Variants in SLC25A16 observed in about 807,000 individuals in gnomAD.
The protein encoded by SLC25A16 is solute carrier family 25 member 16.
A neutral mutation model predicts 41.5 loss-of-function variants in SLC25A16; 39 were observed. That is an observed-to-expected ratio of 0.94 (90% confidence interval 0.73 to 1.23). The LOEUF (loss-of-function observed/expected upper bound fraction) is 1.23, where lower values mean the gene tolerates loss of function less well. SLC25A16 is among the 50% of genes most tolerant of loss of function. The pLI, the probability that SLC25A16 is intolerant of heterozygous loss-of-function variation, is 0.00. For missense variants in SLC25A16, 421 were observed against 426.9 expected, an observed-to-expected ratio of 0.99 and a Z score of 0.12; for synonymous variants, 146 against 147.8, an observed-to-expected ratio of 0.99 and a Z score of 0.09.
intron 2 of SLC25A16, among the ~76,000 whole-genome samples, chr10:68,515,027 T>C (rs1221993948): frequency 1.3e-5 from 2 of 150,636 alleles, no homozygotes; most frequent in Admixed American, 1.3e-4. Context: ...CATGAGCCAC[T>C]GCACCTGGCC....
At chr10:68,519,053 G>A (rs1485502680) in intron 1 of SLC25A16, among the ~76,000 whole-genome samples, 1 of 151,284 alleles carries the variant, frequency 6.6e-6, no homozygotes, top group African/African-American at 2.4e-5. Flanking sequence ...TTAGCTGGGT[G>A]TGATGACGTG....
intron 7 of SLC25A16, among the ~76,000 whole-genome samples, chr10:68,487,524 A>T (rs2133491930): frequency 6.6e-6 from 1 of 152,288 alleles, no homozygotes; most frequent in Non-Finnish European, 1.5e-5. Flanking sequence ...GTTGAACACT[A>T]ATATACAGTT....
chr10:68,519,114 C>T (rs1008011549), intron 1 of SLC25A16, among the ~76,000 whole-genome samples: 12 of 151,970 alleles, frequency 7.9e-5, no homozygotes, highest in African/African-American at 1.4e-4. Flanking sequence ...ATCACTTGAA[C>T]TTGGGAGGCA....
At chr10:68,508,560 C>CA (rs1290147077) in intron 2 of SLC25A16, among the ~76,000 whole-genome samples, 1 of 151,376 alleles carries the variant, frequency 6.6e-6, no homozygotes, top group Non-Finnish European at 1.5e-5. Context: ...ACTAAAGATA[C>CA]AAAAAAAATT....
At chr10:68,500,794 T>C (rs543345438) in intron 4 of SLC25A16, among the ~76,000 whole-genome samples, 1 of 150,504 alleles carries the variant, frequency 6.6e-6, no homozygotes. Context: ...TAGCCAGGTA[T>C]GTGGCACGTG....
At chr10:68,495,968 T>C (rs1312187789) in intron 4 of SLC25A16, among the ~76,000 whole-genome samples, 1 of 152,092 alleles carries the variant, frequency 6.6e-6, no homozygotes, top group African/African-American at 2.4e-5. Context: ...TTGTAAAGAT[T>C]AGGTGAGCTA....
At chr10:68,506,448 T>C (rs975336752) in intron 3 of SLC25A16, 137 bp downstream of exon 3, 1 of 637,952 alleles carries the variant, frequency 1.6e-6, no homozygotes, top group South Asian at 3.5e-5. Context: ...GTCTCAAAAA[T>C]TAAAAAAAAA....
At chr10:68,493,596 G>A in intron 4 of SLC25A16, 26 bp from the exon 5 acceptor site, 2 of 1,586,144 alleles carry the variant, frequency 1.3e-6, no homozygotes, top group Non-Finnish European at 1.7e-6. Context: ...AAATTTAGAG[G>A]TACAATGAAT....
intron 4 of SLC25A16, among the ~76,000 whole-genome samples, chr10:68,501,861 G>T (rs2052852047): frequency 6.6e-6 from 1 of 152,066 alleles, no homozygotes; most frequent in African/African-American, 2.4e-5. Context: ...CTCTACAAAA[G>T]TAAACATAAG....
Position 68,506,713 on chromosome 10 carries a change from A to C in SLC25A16, c.229T>G (p.Phe77Val), listed in dbSNP as rs755474503. The C allele has an allele frequency of 6.4e-6, 10 of 1,567,614 alleles. No individual in the cohort carries two copies. Among genetic ancestry groups the C allele is most frequent in the Non-Finnish European group, 8.6e-6 (10 of 1,158,890 alleles). The change falls in exon 3 of 9, where the codon TTT (phenylalanine) becomes GTT (valine). Residue 77 changes from phenylalanine to valine, a missense_variant. Transcript: ENST00000609923. ...HNHHYKHLGV[F>V]SALRAVPQKE... Reference sequence around the variant, plus strand: ...TGAGGAACAGCACGCAATGCAGAAAATACTCCTATTTTTAGAGGAAAAATG... The same window carrying C: ...TGAGGAACAGCACGCAATGCAGAAACTACTCCTATTTTTAGAGGAAAAATG...
At chr10:68,505,578 G>C (rs2052937514) in intron 3 of SLC25A16, among the ~76,000 whole-genome samples, 1 of 151,960 alleles carries the variant, frequency 6.6e-6, no homozygotes, top group African/African-American at 2.4e-5. Context: ...TTCCAGACCA[G>C]CCTGACCAAC....
rs1308678454 is a variant in SLC25A16 at position 68,478,700 on chromosome 10, T to A, written c.*4732A>T. 6.6e-6 allele frequency: 1 copy of A among 150,518 alleles called. No individual in the cohort carries two copies. Among genetic ancestry groups the A allele is most frequent in the East Asian group, 1.9e-4 (1 of 5,174 alleles). The allele number at this position is 150,518 out of a possible 1,614,324, so 9.3% of individuals were successfully genotyped here. On this transcript the variant is annotated 3_prime_UTR_variant, in exon 9 of 9. Coordinates refer to ENST00000609923, the MANE Select transcript of SLC25A16 (RefSeq NM_152707.4). ...AGCCATAAAAACTATTTATAAGTTT[T>A]ATTTTATATATATATATGATATGTA...
chr10:68,504,440 T>G (rs1373624228), intron 3 of SLC25A16, among the ~76,000 whole-genome samples: 2 of 138,818 alleles, frequency 1.4e-5, no homozygotes, highest in African/African-American at 5.7e-5. Flanking sequence ...TGTGTTTTTT[T>G]TGTTTTTTTT....
At chr10:68,492,546 A>T (rs1023367878) in intron 6 of SLC25A16, among the ~76,000 whole-genome samples, 3 of 152,158 alleles carry the variant, frequency 2.0e-5, no homozygotes, top group African/African-American at 7.2e-5. Flanking sequence ...AGGCGGGTAG[A>T]TCACCTGAGG....
chr10:68,488,458 G>A lies in SLC25A16; in HGVS notation c.773+9C>T, dbSNP rs746097038. On this transcript the variant is annotated intron_variant, in intron 7 of 8. Transcript: ENST00000609923. ...AATTTGATTAAATTAAGTTAGTGAA[G>A]AAACTTACGATATTGTCTGCGCTAT... is the stretch of plus-strand genomic sequence containing the variant. 1 of 1,480,790 alleles carries A rather than the reference G, an allele frequency of 6.8e-7. No individual in the cohort carries two copies. The highest frequency in any genetic ancestry group is 9.0e-7 in the Non-Finnish European group (1 of 1,116,550). 91.7% of individuals were successfully genotyped at this position (1,480,790 alleles called of 1,614,324 possible).
In SLC25A16 at chr10:68,479,422, C is replaced by G. The variant is rs565977073; in HGVS notation, c.*4010G>C. On this transcript the variant is annotated 3_prime_UTR_variant, in exon 9 of 9. Coordinates refer to ENST00000609923, the MANE Select transcript of SLC25A16 (RefSeq NM_152707.4). ...CAAATCAGATTGCAAGTACAGCTAA[C>G]AAGCCTCCCAAGGGAAGTCCTCCAT... 1 of 152,266 alleles carries G rather than the reference C, an allele frequency of 6.6e-6. No homozygotes were observed. Among genetic ancestry groups the G allele is most frequent in the South Asian group, 2.1e-4 (1 of 4,824 alleles). The allele number at this position is 152,266 out of a possible 1,614,324, so 9.4% of individuals were successfully genotyped here.
intron 2 of SLC25A16, among the ~76,000 whole-genome samples, chr10:68,515,661 G>A (rs1021818308): frequency 2.0e-5 from 3 of 152,004 alleles, no homozygotes; most frequent in African/African-American, 4.8e-5. Context: ...AGCCAAGCGT[G>A]GTGGCACATG....
At chr10:68,495,298 C>G (rs900042442) in intron 4 of SLC25A16, among the ~76,000 whole-genome samples, 1 of 151,998 alleles carries the variant, frequency 6.6e-6, no homozygotes, top group Non-Finnish European at 1.5e-5. Context: ...GTAATCTCAG[C>G]TACTCTACTC....
intron 8 of SLC25A16, 88 bp from the exon 9 acceptor site, chr10:68,483,676 G>A: frequency 4.4e-6 from 5 of 1,146,766 alleles, no homozygotes; most frequent in Non-Finnish European, 6.0e-6. Flanking sequence ...GTTTTTTTGA[G>A]ATGGACTCTT....
Sources: gnomAD v4.1 joint callset for allele counts (sites outside exome capture counted in the v4.1 genomes callset) on GRCh38, gnomAD v4.1.1 for gene constraint, MANE v1.5 for transcripts, NCBI Gene and HGNC (gene_info 2026-07-23, HGNC 2026-07-21) for gene names.